ADCY9: variants seen among roughly 807,000 people sequenced by gnomAD.
ADCY9 encodes adenylate cyclase 9.
ADCY9 carries 50 observed loss-of-function variants against 101.5 expected under a neutral mutation model. The observed-to-expected ratio is 0.49, with a 90% CI of 0.39 to 0.62. The LOEUF (loss-of-function observed/expected upper bound fraction) is 0.62. Among genes scored for constraint, ADCY9 ranks in the 20% least tolerant of loss-of-function variants. The pLI is 0.00. For synonymous variants in ADCY9, 905 were observed against 769.3 expected, an observed-to-expected ratio of 1.18 and a Z score of -2.92; for missense variants, 1,662 against 1,800.4, an observed-to-expected ratio of 0.92 and a Z score of 1.39.
intron 2 of ADCY9, among the ~76,000 whole-genome samples, chr16:4,068,039 AT>A (rs1211608240): frequency 1.3e-5 from 2 of 152,078 alleles, no homozygotes; most frequent in Non-Finnish European, 2.9e-5. Flanking sequence ...AGTTTTTCTA[AT>A]TGTAGGGAAA....
intron 2 of ADCY9, among the ~76,000 whole-genome samples, chr16:4,110,515 G>A (rs1024407773): frequency 4.7e-5 from 7 of 148,414 alleles, no homozygotes; most frequent in African/African-American, 1.5e-4. Context: ...TCAGCCTCCC[G>A]AGCACCTGGG....
intron 2 of ADCY9, among the ~76,000 whole-genome samples, chr16:4,026,856 C>T (rs1273113903): frequency 1.3e-5 from 2 of 152,134 alleles, no homozygotes; most frequent in African/African-American, 2.4e-5. Context: ...AACTTAAGGC[C>T]GATTCACCCT....
At chr16:4,092,865 G>A (rs2056982134) in intron 2 of ADCY9, among the ~76,000 whole-genome samples, 1 of 152,116 alleles carries the variant, frequency 6.6e-6, no homozygotes, top group Non-Finnish European at 1.5e-5. Context: ...TAAAAACCAG[G>A]AGCAAATGTG....
chr16:4,102,271 C>G (rs1021100991), intron 2 of ADCY9, among the ~76,000 whole-genome samples: 1 of 152,086 alleles, frequency 6.6e-6, no homozygotes, highest in South Asian at 2.1e-4. Context: ...TTGCAGCGCC[C>G]CTAGGTAGCT....
chr16:4,094,875 G>A (rs2056993465), intron 2 of ADCY9, among the ~76,000 whole-genome samples: 2 of 152,084 alleles, frequency 1.3e-5, no homozygotes, highest in South Asian at 2.1e-4. Flanking sequence ...AAATGACAGG[G>A]AACCAAATGA....
chr16:3,965,542 TG>T lies in ADCY9; in HGVS notation c.*232del. Reference sequence around the variant, plus strand: ...CTGAAGGCACTTGTTCTCCACCACGTGCTGAACGGATGACCCAGAGGCAGCG... The same window carrying T: ...CTGAAGGCACTTGTTCTCCACCACGTCTGAACGGATGACCCAGAGGCAGCG... On this transcript the variant is annotated 3_prime_UTR_variant, in exon 11 of 11. Transcript: ENST00000294016. 1 of 580,084 alleles carries T rather than the reference TG, an allele frequency of 1.7e-6. No homozygotes were observed. The highest frequency in any genetic ancestry group is 3.1e-6 in the Non-Finnish European group (1 of 327,672). 35.9% of individuals were successfully genotyped at this position (580,084 alleles called of 1,614,324 possible).
intron 2 of ADCY9, among the ~76,000 whole-genome samples, chr16:4,044,301 C>T (rs1313482762): frequency 1.3e-5 from 2 of 151,584 alleles, no homozygotes; most frequent in Non-Finnish European, 2.9e-5. Context: ...GGGCTGAGAT[C>T]GCACCACTGC....
intron 2 of ADCY9, among the ~76,000 whole-genome samples, chr16:4,045,554 C>T (rs911105903): frequency 1.5e-5 from 2 of 136,528 alleles, no homozygotes; most frequent in Admixed American, 1.6e-4. Flanking sequence ...GAGATCGGAC[C>T]ACTGCACTCC....
chr16:3,997,418 A>C (rs1025342735), intron 3 of ADCY9, among the ~76,000 whole-genome samples: 6 of 152,216 alleles, frequency 3.9e-5, no homozygotes, highest in African/African-American at 1.4e-4. Flanking sequence ...GGCCTGGGGC[A>C]GTGGTCTCCA....
At chr16:4,088,465 C>T (rs1056859862) in intron 2 of ADCY9, among the ~76,000 whole-genome samples, 1 of 151,928 alleles carries the variant, frequency 6.6e-6, no homozygotes, top group Non-Finnish European at 1.5e-5. Flanking sequence ...CTAGTTTTTG[C>T]ATTTTGCAGC....
chr16:4,019,505 C>A (rs763436873), intron 2 of ADCY9, among the ~76,000 whole-genome samples: 48 of 152,208 alleles, frequency 3.2e-4, no homozygotes, highest in Non-Finnish European at 5.7e-4. Flanking sequence ...TGCCCAAGCA[C>A]GAGAGGAGGG....
At chr16:4,001,504 C>A (rs1288835186) in intron 3 of ADCY9, among the ~76,000 whole-genome samples, 1 of 152,142 alleles carries the variant, frequency 6.6e-6, no homozygotes, top group Non-Finnish European at 1.5e-5. Context: ...GTGAAGGTGG[C>A]ATCTGCCCGG....
chr16:3,970,799 C>T (rs1034186926), intron 10 of ADCY9, among the ~76,000 whole-genome samples: 4 of 152,220 alleles, frequency 2.6e-5, no homozygotes, highest in Non-Finnish European at 4.4e-5. Context: ...CTGGCTGGAC[C>T]GCGGGGGAGT....
intron 2 of ADCY9, among the ~76,000 whole-genome samples, chr16:4,066,013 T>C (rs2141164695): frequency 6.6e-6 from 1 of 152,340 alleles, no homozygotes; most frequent in Middle Eastern, 3.4e-3. Flanking sequence ...CTAAGGCCCA[T>C]GACTTTAGCA....
chr16:3,979,377 C>T, intron 7 of ADCY9, 102 bp from the exon 8 acceptor site: 1 of 1,371,026 alleles, frequency 7.3e-7, no homozygotes. Context: ...TCTGCTCTCT[C>T]CCGTGTTGCC....
chr16:3,956,503 T>TTTTTTTTTTTTTTTTTTG (rs55792938), intron 5 of ADCY9, among the ~76,000 whole-genome samples: 2 of 69,576 alleles, frequency 2.9e-5, no homozygotes, highest in Admixed American at 1.4e-4. Flanking sequence ...TTTTTTTTTT[T>TTTTTTTTTTTTTTTTTTG]GGGGGGGGAT....
Position 3,966,267 on chromosome 16 carries a change from G to A in ADCY9, c.3570C>T (p.Thr1190=), listed in dbSNP as rs762725307. The change falls in exon 11 of 11, where the codon ACC becomes ACT. Residue 1190 remains threonine, a synonymous_variant. Transcript: ENST00000294016. ...TKLLYDIWGD[T]VNIASRMDTT... ...TGTCCATCCTGCTGGCGATGTTGAC[G>A]GTGTCTCCCCAGATGTCGTACAGCA... The A allele has an allele frequency of 9.9e-6, 16 of 1,614,066 alleles. No homozygotes were observed. Among genetic ancestry groups the A allele is most frequent in the African/African-American group, 6.7e-5 (5 of 74,922 alleles).
intron 2 of ADCY9, among the ~76,000 whole-genome samples, chr16:4,079,830 CA>C (rs1251525724): frequency 6.6e-6 from 1 of 151,962 alleles, no homozygotes; most frequent in African/African-American, 2.4e-5. Flanking sequence ...TTGAAACATT[CA>C]AAATGGCTAT....
chr16:4,052,207 AAGAC>A (rs2056706063), intron 2 of ADCY9, among the ~76,000 whole-genome samples: 1 of 152,202 alleles, frequency 6.6e-6, no homozygotes, highest in Non-Finnish European at 1.5e-5. Context: ...AAGGTCGTGA[AAGAC>A]AGAGACGAAG....
Sources: gnomAD v4.1 joint callset for allele counts (sites outside exome capture counted in the v4.1 genomes callset) on GRCh38, gnomAD v4.1.1 for gene constraint, MANE v1.5 for transcripts, NCBI Gene and HGNC (gene_info 2026-07-23, HGNC 2026-07-21) for gene names.